Variants in IL19 observed in about 807,000 individuals in gnomAD.
The protein encoded by IL19 is interleukin 19, also known as interleukin-19.
In IL19, 15 loss-of-function variants were observed where a neutral mutation model predicts 19.5. The observed-to-expected ratio is 0.77, with a 90% CI of 0.52 to 1.19. The LOEUF (loss-of-function observed/expected upper bound fraction) is 1.19. Among genes scored for constraint, IL19 ranks in the 50% most tolerant of loss-of-function variants. The probability of loss-of-function intolerance (pLI) is 0.00; values close to 1 mark genes in which losing one functional copy is unlikely to be tolerated. For synonymous variants in IL19, 78 were observed against 78.3 expected, an observed-to-expected ratio of 1.00 and a Z score of 0.02; for missense variants, 199 against 213.1, an observed-to-expected ratio of 0.93 and a Z score of 0.41.
chr1:206,785,982 T>C (rs1675261746), intron 1 of IL19, among the ~76,000 whole-genome samples: 1 of 149,568 alleles, frequency 6.7e-6, no homozygotes, highest in Admixed American at 6.7e-5. Flanking sequence ...GGATGTAAAC[T>C]GTGTGTTAGG....
chr1:206,787,767 T>C (rs996970486), intron 1 of IL19, among the ~76,000 whole-genome samples: 1 of 152,222 alleles, frequency 6.6e-6, no homozygotes. Flanking sequence ...GGTCTTGTCT[T>C]TGACTCAAGA....
chr1:206,797,326 G>A (rs1301752080), intron 1 of IL19, among the ~76,000 whole-genome samples: 1 of 151,974 alleles, frequency 6.6e-6, no homozygotes, highest in African/African-American at 2.4e-5. Context: ...GGAGGGTGGG[G>A]TGAGGTGGAG....
intron 5 of IL19, chr1:206,840,205 A>AGAGAAT: frequency 1.4e-6 from 1 of 707,578 alleles, no homozygotes. Flanking sequence ...AACTCCTCAG[A>AGAGAAT]TGGTCTCCTC....
chr1:206,813,367 A>T (rs1321708135), intron 2 of IL19, among the ~76,000 whole-genome samples: 3 of 151,878 alleles, frequency 2.0e-5, no homozygotes, highest in Non-Finnish European at 4.4e-5. Context: ...CTTCATCATA[A>T]CTTTTTTTTT....
chr1:206,838,851 T>G (rs1003251191), intron 4 of IL19, among the ~76,000 whole-genome samples: 5 of 151,326 alleles, frequency 3.3e-5, no homozygotes, highest in Non-Finnish European at 7.4e-5. Context: ...TCTGCAGTGT[T>G]CCTTTTTCTA....
intron 5 of IL19, 31 bp downstream of exon 5, chr1:206,840,033 G>C: frequency 1.2e-6 from 2 of 1,613,450 alleles, no homozygotes. Context: ...TCCAGCATCT[G>C]CTCCCTGTCT....
At chr1:206,794,493 C>A (rs1675474864) in intron 1 of IL19, among the ~76,000 whole-genome samples, 1 of 152,104 alleles carries the variant, frequency 6.6e-6, no homozygotes, top group South Asian at 2.1e-4. Context: ...ACGTCGACAC[C>A]CCCTCTCTGA....
In IL19 at chr1:206,774,320, C is replaced by G. The variant is rs1674937463; in HGVS notation, c.-149+3242C>G. 2.0e-5 allele frequency among the ~76,000 whole-genome samples: 3 copies of G among 152,198 alleles called. No individual in the cohort carries two copies. In the South Asian group the frequency reaches 6.2e-4, roughly 31 times the overall value. On this transcript the variant is annotated intron_variant, in intron 1 of 6. Transcript: ENST00000659997. ...GCTAGAAACTAGTATGGAGCTAACT[C>G]AGAACTTACTGGTCCTGCCAGACTT...
chr1:206,835,267 C>G (rs533344374), intron 2 of IL19, among the ~76,000 whole-genome samples: 4 of 152,298 alleles, frequency 2.6e-5, no homozygotes, highest in African/African-American at 9.6e-5. Context: ...GGAGACAGAG[C>G]TCTGGGGGAC....
chr1:206,806,917 G>T (rs925378019), intron 2 of IL19, among the ~76,000 whole-genome samples: 2 of 152,108 alleles, frequency 1.3e-5, no homozygotes, highest in Admixed American at 6.5e-5. Context: ...AGCTTCTTAT[G>T]GGTATTAGTT....
chr1:206,796,844 A>C (rs1045527281), intron 1 of IL19, among the ~76,000 whole-genome samples: 2 of 152,216 alleles, frequency 1.3e-5, no homozygotes, highest in Non-Finnish European at 2.9e-5. Flanking sequence ...TATCACCTTC[A>C]TTAGTCTGGC....
In IL19 at chr1:206,770,914, C is replaced by T. The variant is rs201365412; in HGVS notation, c.-313C>T. The T allele has an allele frequency of 1.2e-4, 186 of 1,614,054 alleles. 1 individual carries two copies. In the East Asian group the frequency reaches 3.4e-3, roughly 29 times the overall value. On this transcript the variant is annotated 5_prime_UTR_variant, in exon 1 of 7. Coordinates refer to ENST00000659997, the MANE Select transcript of IL19 (RefSeq NM_153758.5). ...AACTGATCTGCTACTTACACAGCGCCGTAGCCTCAGCCTGAGGGTCTTCAG... is the reference window on the plus strand; with the variant it reads ...AACTGATCTGCTACTTACACAGCGCTGTAGCCTCAGCCTGAGGGTCTTCAG...
At chr1:206,774,583 C>G (rs1674945137) in intron 1 of IL19, among the ~76,000 whole-genome samples, 1 of 152,174 alleles carries the variant, frequency 6.6e-6, no homozygotes, top group Non-Finnish European at 1.5e-5. Flanking sequence ...GGCTGTGAAC[C>G]CCTCCTTCCT....
intron 2 of IL19, among the ~76,000 whole-genome samples, chr1:206,823,419 G>A (rs1405653080): frequency 6.6e-6 from 1 of 151,882 alleles, no homozygotes; most frequent in Non-Finnish European, 1.5e-5. Flanking sequence ...GCTGGGCGTG[G>A]TGGCGTGCGC....
In IL19 at chr1:206,780,965, T is replaced by A. The variant is rs1675115364; in HGVS notation, c.-149+9887T>A. 2.0e-5 allele frequency among the ~76,000 whole-genome samples: 3 copies of A among 152,170 alleles called. 1 individual carries two copies. The highest frequency in any genetic ancestry group is 2.0e-4 in the Admixed American group (3 of 15,282). On this transcript the variant is annotated intron_variant, in intron 1 of 6. Coordinates refer to ENST00000659997, the MANE Select transcript of IL19 (RefSeq NM_153758.5). ...GTACCTTAAGTTTAGGAATTGGGAA[T>A]GATAGTGAGGGTGGCTTAGATATTT... is the stretch of plus-strand genomic sequence containing the variant.
At chr1:206,832,878 T>C (rs1676655896) in intron 2 of IL19, among the ~76,000 whole-genome samples, 1 of 152,222 alleles carries the variant, frequency 6.6e-6, no homozygotes, top group African/African-American at 2.4e-5. Flanking sequence ...TCCCTGGGGT[T>C]TCTTTCCCTT....
chr1:206,772,263 A>G lies in IL19; in HGVS notation c.-149+1185A>G, dbSNP rs530302888. 2.1e-4 allele frequency: 332 copies of G among 1,612,880 alleles called. 5 individuals are homozygous for G. The South Asian group carries it at 3.4e-3, about 16-fold the overall frequency. On this transcript the variant is annotated intron_variant, in intron 1 of 6. Transcript: ENST00000659997. ...AAGAGAGAAAGGACAGGAAGGAATC[A>G]TACTCACAAAGAAAGTCTTCACTCT...
intron 1 of IL19, among the ~76,000 whole-genome samples, chr1:206,781,815 A>G (rs1233381069): frequency 6.7e-6 from 1 of 148,510 alleles, no homozygotes; most frequent in Non-Finnish European, 1.5e-5. Flanking sequence ...GTTATAGAGG[A>G]CCCCCAAAGA....
intron 1 of IL19, among the ~76,000 whole-genome samples, chr1:206,787,807 C>T (rs149976360): frequency 6.6e-6 from 1 of 152,204 alleles, no homozygotes; most frequent in Non-Finnish European, 1.5e-5. Context: ...TTCTCAGAAC[C>T]AGCAGTAGGA....
Sources: allele counts gnomAD v4.1 joint callset (sites outside exome capture counted in the v4.1 genomes callset), GRCh38; gene constraint gnomAD v4.1.1; transcripts MANE v1.5; gene names NCBI Gene and HGNC (gene_info 2026-07-23, HGNC 2026-07-21).